Variants in MARCHF2 observed in about 807,000 individuals in gnomAD.
MARCHF2 encodes the protein membrane associated ring-CH-type finger 2, also known as E3 ubiquitin-protein ligase MARCHF2.
MARCHF2 carries 22 observed loss-of-function variants against 24.0 expected under a neutral mutation model. The ratio of observed to expected loss-of-function variants is 0.92; its 90% CI spans 0.66 to 1.31. The LOEUF is 1.31. Ranked by LOEUF, MARCHF2 falls within the 50% of genes most tolerant of loss-of-function variation. The pLI is 0.00. For missense variants in MARCHF2, 301 were observed against 335.3 expected (o/e 0.90, Z 0.80); for synonymous variants, 154 against 153.0 (o/e 1.01, Z -0.05).
At chr19:8,420,144 T>C (rs12978137) in intron 1 of MARCHF2, among the ~76,000 whole-genome samples, 110,662 of 145,194 alleles carry the variant, frequency 0.76, 42,007 homozygotes, top group African/African-American at 0.82. Context: ...GGCGACAGAG[T>C]GAGACTCCGT....
At chr19:8,413,981 GC>G (rs980953046) in intron 1 of MARCHF2, among the ~76,000 whole-genome samples, 2 of 152,102 alleles carry the variant, frequency 1.3e-5, no homozygotes, top group African/African-American at 4.8e-5. Flanking sequence ...GAGAGTCCAG[GC>G]TCAAAGAGGT....
At chr19:8,416,227 A>AGGGT (rs1445238775) in intron 1 of MARCHF2, among the ~76,000 whole-genome samples, 2 of 151,618 alleles carry the variant, frequency 1.3e-5, no homozygotes, top group East Asian at 3.9e-4. Context: ...CTGTAATCCC[A>AGGGT]GCTACTCGGG....
intron 3 of MARCHF2, among the ~76,000 whole-genome samples, chr19:8,429,175 G>A (rs1967506019): frequency 6.8e-6 from 1 of 147,824 alleles, no homozygotes; most frequent in African/African-American, 2.6e-5. Flanking sequence ...CATTCTTCAC[G>A]TGGTTCCTTC....
At chr19:8,414,443 C>T (rs1387323686) in intron 1 of MARCHF2, among the ~76,000 whole-genome samples, 2 of 151,986 alleles carry the variant, frequency 1.3e-5, no homozygotes, top group Non-Finnish European at 2.9e-5. Context: ...CAATTTTTGT[C>T]TTTTTAGCAG....
chr19:8,438,752 T>G lies in MARCHF2; in HGVS notation c.*206T>G. On this transcript the variant is annotated 3_prime_UTR_variant, in exon 5 of 5. Transcript: ENST00000215555. Reference sequence around the variant, plus strand: ...GGGTTTTTTTTTTTTTTTTTTTGCATATGGAGGACAGGTGGACATGGTCCT... The same window carrying G: ...GGGTTTTTTTTTTTTTTTTTTTGCAGATGGAGGACAGGTGGACATGGTCCT... 4 of 537,920 alleles carry G rather than the reference T, an allele frequency of 7.4e-6. No homozygotes were observed. Among genetic ancestry groups the G allele is most frequent in the East Asian group, 3.2e-5 (1 of 31,586 alleles). The allele number at this position is 537,920 out of a possible 1,614,324, so 33.3% of individuals were successfully genotyped here.
chr19:8,426,330 G>A (rs764424367), intron 2 of MARCHF2, among the ~76,000 whole-genome samples: 45 of 151,722 alleles, frequency 3.0e-4, no homozygotes, highest in African/African-American at 1.0e-3. Context: ...ATGGGGGCGG[G>A]TATAACAGAT....
chr19:8,415,538 G>A (rs942874966), intron 1 of MARCHF2, among the ~76,000 whole-genome samples: 11 of 151,500 alleles, frequency 7.3e-5, no homozygotes, highest in African/African-American at 2.7e-4. Flanking sequence ...GGCCAACATG[G>A]TGAAACCCCG....
intron 1 of MARCHF2, among the ~76,000 whole-genome samples, chr19:8,420,933 G>A (rs984759483): frequency 6.6e-6 from 1 of 152,018 alleles, no homozygotes; most frequent in African/African-American, 2.4e-5. Flanking sequence ...AAAGTGCTGG[G>A]ATTACAGGTG....
chr19:8,415,540 G>A (rs1398154116), intron 1 of MARCHF2, among the ~76,000 whole-genome samples: 1 of 151,344 alleles, frequency 6.6e-6, no homozygotes, highest in Non-Finnish European at 1.5e-5. Context: ...CCAACATGGT[G>A]AAACCCCGTC....
Position 8,430,578 on chromosome 19 carries a change from G to A in MARCHF2, c.373-80G>A. 9.0e-7 allele frequency: 1 copy of A among 1,115,646 alleles called. No individual in the cohort carries two copies. Among genetic ancestry groups the A allele is most frequent in the Non-Finnish European group, 1.3e-6 (1 of 752,696 alleles). 69.1% of individuals were successfully genotyped at this position (1,115,646 alleles called of 1,614,324 possible). On this transcript the variant is annotated intron_variant, in intron 3 of 4. Coordinates refer to ENST00000215555, the MANE Select transcript of MARCHF2 (RefSeq NM_001005415.2). This position sits in a 1 kb window ranked among gnomAD's most constrained non-coding sequence, Gnocchi z 4.4. ...GAAGGAAAGGACAGAGGGAGGCCTAGGCCTGGAGGTCCTTACCCCTCCCCC... is the reference window on the plus strand; with the variant it reads ...GAAGGAAAGGACAGAGGGAGGCCTAAGCCTGGAGGTCCTTACCCCTCCCCC...
intron 3 of MARCHF2, among the ~76,000 whole-genome samples, chr19:8,428,523 G>A (rs1489513048): frequency 6.6e-6 from 1 of 151,076 alleles, no homozygotes; most frequent in East Asian, 2.0e-4. Context: ...GGTGGCGCAT[G>A]CCTGTAATCC....
intron 1 of MARCHF2, among the ~76,000 whole-genome samples, chr19:8,418,055 C>T (rs1967131710): frequency 1.3e-5 from 2 of 151,914 alleles, no homozygotes; most frequent in African/African-American, 4.8e-5. Flanking sequence ...TGAGTCACCA[C>T]GCCCGGCCAA....
intron 4 of MARCHF2, among the ~76,000 whole-genome samples, chr19:8,435,543 T>C (rs1182674431): frequency 4.0e-5 from 6 of 151,824 alleles, no homozygotes; most frequent in Non-Finnish European, 8.8e-5. Flanking sequence ...TCACTTCTTT[T>C]GTTTGTTTGT....
In MARCHF2 at chr19:8,430,615, TTCTCTGCCCCC is replaced by T. The variant is rs1967552840; in HGVS notation, c.373-38_373-28del. 2 of 1,548,824 alleles carry T rather than the reference TTCTCTGCCCCC, an allele frequency of 1.3e-6. No homozygotes were observed. The highest frequency in any genetic ancestry group is 1.4e-5 in the African/African-American group (1 of 73,642). ...CTTACCCCTCCCCCTCAGTAGCCCC[TTCTCTGCCCCC>T]TCTCCTCTGCCCCCTATCCTCTCCC... On this transcript the variant is annotated intron_variant, in intron 3 of 4. Coordinates refer to ENST00000215555, the MANE Select transcript of MARCHF2 (RefSeq NM_001005415.2). This position sits in a 1 kb window ranked among gnomAD's most constrained non-coding sequence, Gnocchi z 4.4.
intron 3 of MARCHF2, among the ~76,000 whole-genome samples, chr19:8,428,466 T>A (rs1222579211): frequency 7.1e-6 from 1 of 141,748 alleles, no homozygotes; most frequent in East Asian, 2.2e-4. Flanking sequence ...CCAGCCTGGG[T>A]GACAAAGCAA....
Position 8,414,497 on chromosome 19 carries a change from G to A in MARCHF2, c.-53+1077G>A, listed in dbSNP as rs544529801. 3.9e-5 allele frequency among the ~76,000 whole-genome samples: 6 copies of A among 152,162 alleles called. No individual in the cohort carries two copies. In the South Asian group the frequency reaches 1.2e-3, roughly 32 times the overall value. On this transcript the variant is annotated intron_variant, in intron 1 of 4. Coordinates refer to ENST00000215555, the MANE Select transcript of MARCHF2 (RefSeq NM_001005415.2). ...TTGACCAGGCTGGTCTCGAACTCCTGGCCTCAAGTGATCCACCTTCCTTGA... is the reference window on the plus strand; with the variant it reads ...TTGACCAGGCTGGTCTCGAACTCCTAGCCTCAAGTGATCCACCTTCCTTGA...
At position 8,427,285 on chromosome 19, in the gene MARCHF2, G is replaced by C. The variant is rs183232075; in HGVS notation, c.372+481G>C. Among the ~76,000 whole-genome samples, 312 of 152,028 alleles carry C rather than the reference G, an allele frequency of 2.1e-3. 4 individuals are homozygous for C. The highest frequency in any genetic ancestry group is 7.1e-3 in the African/African-American group (295 of 41,502). Reference sequence around the variant, plus strand: ...GCTGGTCTCGAACTCCTGACCTCAAGTGATCTGCCCACCTCAGCCTCCCAA... The same window carrying C: ...GCTGGTCTCGAACTCCTGACCTCAACTGATCTGCCCACCTCAGCCTCCCAA... On this transcript the variant is annotated intron_variant, in intron 3 of 4. Coordinates refer to ENST00000215555, the MANE Select transcript of MARCHF2 (RefSeq NM_001005415.2).
chr19:8,417,366 C>G (rs2145533305), intron 1 of MARCHF2, among the ~76,000 whole-genome samples: 1 of 152,262 alleles, frequency 6.6e-6, no homozygotes, highest in African/African-American at 2.4e-5. Context: ...ATTGCTTGAA[C>G]CCAGGAGCCT....
chr19:8,438,413 T>C lies in MARCHF2; in HGVS notation c.608T>C (p.Leu203Pro). The change falls in exon 5 of 5, where the codon CTG becomes CCG. Residue 203 changes from leucine (L) to proline (P), a missense_variant. Leu to Pro is a moderately conservative substitution (Grantham distance 98, BLOSUM62 -3). Coordinates refer to ENST00000215555, the MANE Select transcript of MARCHF2 (RefSeq NM_001005415.2). ...GTCTCCTTCCGCTACCACTGCCAGC[T>C]GTACTCCGAGTGGAGAAAGACCAAC... ...TLVSFRYHCQ[L>P]YSEWRKTNQK... is the part of the protein sequence containing the mutation. 6.2e-7 allele frequency: 1 copy of C among 1,613,908 alleles called. No individual in the cohort carries two copies. Among genetic ancestry groups the C allele is most frequent in the Non-Finnish European group, 8.5e-7 (1 of 1,180,022 alleles).
Sources: gnomAD v4.1 joint callset for allele counts (sites outside exome capture counted in the v4.1 genomes callset) on GRCh38, gnomAD v4.1.1 for gene constraint, Gnocchi (gnomAD v3.1) non-coding constraint, MANE v1.5 for transcripts, NCBI Gene and HGNC (gene_info 2026-07-23, HGNC 2026-07-21) for gene names.